Variants in DYNC2I2 observed in about 807,000 individuals in gnomAD.
The protein encoded by DYNC2I2 is dynein 2 intermediate chain 2.
In DYNC2I2, 39 loss-of-function variants were observed where a neutral mutation model predicts 52.0. That is an observed-to-expected ratio of 0.75 (90% CI 0.58 to 0.98). The LOEUF is 0.98. Among genes scored for constraint, DYNC2I2 ranks in the 50% least tolerant of loss-of-function variants. DYNC2I2 has a pLI of 0.00. For missense variants in DYNC2I2, 743 were observed against 728.4 expected, an observed-to-expected ratio of 1.02 and a Z score of -0.23; for synonymous variants, 359 against 321.1, an observed-to-expected ratio of 1.12 and a Z score of -1.26.
At chr9:128,684,077 C>T in the DYNC2I2 span, 3 of 1,259,734 alleles carry the variant, frequency 2.4e-6, no homozygotes, top group Non-Finnish European at 3.4e-6. Flanking sequence ...GATTTTTACC[C>T]CCCAATCCCT....
At chr9:128,677,050 G>A in the DYNC2I2 span, among the ~76,000 whole-genome samples, 3 of 151,518 alleles carry the variant, frequency 2.0e-5, no homozygotes, top group East Asian at 1.9e-4. Context: ...GGGTTTCACC[G>A]TGTTTGCCAG....
At chr9:128,644,902 G>C (rs1197236344) in intron 1 of DYNC2I2, among the ~76,000 whole-genome samples, 3 of 152,188 alleles carry the variant, frequency 2.0e-5, no homozygotes, top group African/African-American at 4.8e-5. Flanking sequence ...CGTTACTACA[G>C]TAATTGTTTT....
chr9:128,633,777 G>C lies in DYNC2I2; in HGVS notation c.1578C>G (p.Asp526Glu), dbSNP rs1243304387. The C allele has an allele frequency of 6.2e-7, 1 of 1,613,406 alleles. No homozygotes were observed. Among genetic ancestry groups the C allele is most frequent in the South Asian group, 1.1e-5 (1 of 91,082 alleles). The change falls in exon 9 of 9, where the codon GAC becomes GAG. Residue 526 changes from aspartate (D) to glutamate (E), a missense_variant. Asp to Glu is a conservative substitution (Grantham distance 45, BLOSUM62 2). Transcript: ENST00000372715. ...FTEQGPREAE[D>E]LDCLAAEVAA ...CCACCTCTGCTGCCAGGCAGTCCAG[G>C]TCCTCAGCTTCCCGGGGCCCTTGTT...
At chr9:128,661,304 C>CAAAA (rs34937317), upstream of DYNC2I2, among the ~76,000 whole-genome samples, 1 of 62,208 alleles carries the variant, frequency 1.6e-5, no homozygotes, top group African/African-American at 4.9e-5. Flanking sequence ...GACTCCATCT[C>CAAAA]AAAAAAAAAA....
At chr9:128,662,540 A>C in the DYNC2I2 span, among the ~76,000 whole-genome samples, 1 of 151,216 alleles carries the variant, frequency 6.6e-6, no homozygotes. Flanking sequence ...CCTCCCGAGT[A>C]GCTGGGATTA....
the DYNC2I2 span, among the ~76,000 whole-genome samples, chr9:128,680,769 G>A: frequency 6.6e-6 from 1 of 151,838 alleles, no homozygotes; most frequent in Non-Finnish European, 1.5e-5. Context: ...CCACCTTCTG[G>A]GTTCAAGTAA....
At chr9:128,641,124 G>A (rs1019935468) in intron 1 of DYNC2I2, among the ~76,000 whole-genome samples, 185 bp from the exon 2 acceptor site, 2 of 152,046 alleles carry the variant, frequency 1.3e-5, no homozygotes, top group African/African-American at 4.8e-5. Flanking sequence ...CAACCAATCA[G>A]TGCCAGCCAA....
At chr9:128,682,064 CTTT>C in the DYNC2I2 span, among the ~76,000 whole-genome samples, 4 of 141,928 alleles carry the variant, frequency 2.8e-5, no homozygotes, top group Non-Finnish European at 4.7e-5. Context: ...CAGAGTGAGA[CTTT>C]TTTTTTTTTT....
At chr9:128,648,733 T>C (rs1485444167) in intron 1 of DYNC2I2, among the ~76,000 whole-genome samples, 23 of 147,184 alleles carry the variant, frequency 1.6e-4, no homozygotes, top group Admixed American at 1.5e-3. Context: ...CTGGGAGGTA[T>C]AGGTTGCAGT....
intron 1 of DYNC2I2, among the ~76,000 whole-genome samples, chr9:128,646,785 C>A (rs1860624487): frequency 6.6e-6 from 1 of 151,806 alleles, no homozygotes; most frequent in African/African-American, 2.4e-5. Context: ...GACTTTGTGA[C>A]CAGCCTAGGC....
intron 1 of DYNC2I2, among the ~76,000 whole-genome samples, chr9:128,649,495 C>G (rs1046783671): frequency 2.0e-5 from 3 of 151,504 alleles, no homozygotes; most frequent in Admixed American, 6.6e-5. Context: ...TCGAGACCAG[C>G]CTGGCCAACA....
rs189104921 is a variant in DYNC2I2 at position 128,633,658 on chromosome 9, C to G, written c.*86G>C. ...AAAGACAAATAAATGATGACTTCCC[C>G]CAAAGCTTTGCTTTTCTTCATTTGG... On this transcript the variant is annotated 3_prime_UTR_variant, in exon 9 of 9. Coordinates refer to ENST00000372715, the MANE Select transcript of DYNC2I2 (RefSeq NM_052844.4). 207 of 1,460,786 alleles carry G rather than the reference C, an allele frequency of 1.4e-4. No homozygotes were observed. The African/African-American group carries it at 2.4e-3, about 17-fold the overall frequency. The allele number at this position is 1,460,786 out of a possible 1,614,324, so 90.5% of individuals were successfully genotyped here. A position where few individuals can be genotyped will look rare whatever the true frequency, so the allele number is the denominator to read the frequency against.
chr9:128,676,383 G>A, the DYNC2I2 span, among the ~76,000 whole-genome samples: 2 of 151,694 alleles, frequency 1.3e-5, no homozygotes, highest in Non-Finnish European at 2.9e-5. Context: ...TCAGCTACTC[G>A]GGAGGCTGAG....
intron 2 of DYNC2I2, 35 bp from the exon 3 acceptor site, chr9:128,637,062 AC>A (rs1197364530): frequency 6.5e-7 from 1 of 1,533,078 alleles, no homozygotes; most frequent in Non-Finnish European, 9.0e-7. Context: ...GTCCAAAGCC[AC>A]CAGCAGGGGC....
chr9:128,635,676 G>A lies in DYNC2I2; in HGVS notation c.795C>T (p.His265=), dbSNP rs371102720. 9 of 1,609,262 alleles carry A rather than the reference G, an allele frequency of 5.6e-6. No homozygotes were observed. Among genetic ancestry groups the A allele is most frequent in the African/African-American group, 1.3e-5 (1 of 74,786 alleles). Residue 265 remains histidine (H), a synonymous_variant, in exon 5 of 9, where the codon CAC becomes CAT. Transcript: ENST00000372715. ...CCCTGACCTGGGACACAGGGTCTGT[G>A]TGGGTGTCATCCGTCAGGCCTGTGC... ...LWRTGLTDDT[H]TDPVSQVVWL... is the part of the protein sequence containing the mutation.
the DYNC2I2 span, among the ~76,000 whole-genome samples, chr9:128,665,676 A>G: frequency 1.3e-5 from 2 of 151,256 alleles, no homozygotes; most frequent in South Asian, 2.1e-4. Context: ...AGGCTAAGGC[A>G]GGAAAATCGC....
chr9:128,681,824 A>G, the DYNC2I2 span, among the ~76,000 whole-genome samples: 1 of 152,232 alleles, frequency 6.6e-6, no homozygotes, highest in Non-Finnish European at 1.5e-5. Flanking sequence ...CTGTAATCCC[A>G]GCACTTTGGA....
At chr9:128,644,022 G>A (rs533896979) in intron 1 of DYNC2I2, among the ~76,000 whole-genome samples, 160 of 152,244 alleles carry the variant, frequency 1.1e-3, no homozygotes, top group Middle Eastern at 3.4e-3. Flanking sequence ...TGCATGTGCC[G>A]AGCCAAGATG....
intron 1 of DYNC2I2, among the ~76,000 whole-genome samples, chr9:128,649,556 G>A (rs1308396892): frequency 6.6e-6 from 1 of 151,448 alleles, no homozygotes; most frequent in Non-Finnish European, 1.5e-5. Flanking sequence ...AGGCCTAGTG[G>A]GACGCGCCTG....
Sources: gnomAD v4.1 joint callset for allele counts (sites outside exome capture counted in the v4.1 genomes callset) on GRCh38, gnomAD v4.1.1 for gene constraint, MANE v1.5 for transcripts, NCBI Gene and HGNC (gene_info 2026-07-23, HGNC 2026-07-21) for gene names.